NEK6: variants seen among roughly 807,000 people sequenced by gnomAD.
NEK6 encodes NIMA related kinase 6, also known as serine/threonine-protein kinase Nek6.
NEK6 carries 27 observed loss-of-function variants against 43.5 expected under a neutral mutation model. The observed-to-expected ratio is 0.62, with a 90% CI of 0.46 to 0.86. The LOEUF (loss-of-function observed/expected upper bound fraction) is 0.86, where lower values mean the gene tolerates loss of function less well. NEK6 is among the 40% of genes least tolerant of loss of function. The probability of loss-of-function intolerance (pLI) is 0.00; values close to 1 mark genes in which losing one functional copy is unlikely to be tolerated. For synonymous variants in NEK6, 167 were observed against 164.1 expected, an observed-to-expected ratio of 1.02 and a Z score of -0.14; for missense variants, 318 against 414.4, an observed-to-expected ratio of 0.77 and a Z score of 2.02.
chr9:124,324,384 A>G lies in NEK6; in HGVS notation c.406-1946A>G, dbSNP rs894112829. ...TTGTGTCCCGAGAGCCTGCAGCCTC[A>G]AGGGCTGAGCTGCGCCATCACAGCC... On this transcript the variant is annotated intron_variant, in intron 5 of 9. Transcript: ENST00000320246. This position sits in a 1 kb window ranked among gnomAD's most constrained non-coding sequence, Gnocchi z 5.3. Among the ~76,000 whole-genome samples, 2 of 152,204 alleles carry G rather than the reference A, an allele frequency of 1.3e-5. No individual in the cohort carries two copies. Among genetic ancestry groups the G allele is most frequent in the Admixed American group, 6.5e-5 (1 of 15,278 alleles).
At chr9:124,264,383 G>A (rs888864854) in intron 1 of NEK6, among the ~76,000 whole-genome samples, 14 of 152,318 alleles carry the variant, frequency 9.2e-5, no homozygotes, top group African/African-American at 2.6e-4. Context: ...TCCCTCATCC[G>A]GAAAACGGGC....
intron 1 of NEK6, among the ~76,000 whole-genome samples, chr9:124,298,580 C>T (rs1832811772): frequency 6.6e-6 from 1 of 152,092 alleles, no homozygotes; most frequent in African/African-American, 2.4e-5. Flanking sequence ...AGCACAGGCC[C>T]CATTCTCAAG....
rs114909240 is a variant in NEK6 at position 124,350,733 on chromosome 9, T to C, written c.832-104T>C. The C allele has an allele frequency of 6.3e-6, 5 of 788,556 alleles. No homozygotes were observed. In the African/African-American group the frequency reaches 8.5e-5, roughly 13 times the overall value. 48.8% of individuals were successfully genotyped at this position (788,556 alleles called of 1,614,324 possible). A position where few individuals can be genotyped will look rare whatever the true frequency, so the allele number is the denominator to read the frequency against. ...CTCTAACGGGGACAACGGGACCATC[T>C]AGTTGCTCTGAGGATGAAGTGCCTT... On this transcript the variant is annotated intron_variant, in intron 9 of 9. Transcript: ENST00000320246.
intron 7 of NEK6, among the ~76,000 whole-genome samples, chr9:124,333,313 G>T (rs1267535623): frequency 6.6e-6 from 1 of 152,234 alleles, no homozygotes; most frequent in African/African-American, 2.4e-5. Context: ...AAGAGGTGCT[G>T]TATCTGCTCC....
At chr9:124,280,288 A>G (rs1831838617) in intron 1 of NEK6, among the ~76,000 whole-genome samples, 1 of 152,216 alleles carries the variant, frequency 6.6e-6, no homozygotes, top group Admixed American at 6.5e-5. Flanking sequence ...CTTCCTGAGA[A>G]CTGGGGCCCA....
chr9:124,304,111 C>T (rs983270253), intron 2 of NEK6, among the ~76,000 whole-genome samples: 3 of 152,266 alleles, frequency 2.0e-5, no homozygotes, highest in Non-Finnish European at 2.9e-5. Context: ...CCACCAGCAT[C>T]TGGCTGGGTT....
chr9:124,326,714 G>A lies in NEK6; in HGVS notation c.514+276G>A, dbSNP rs750936051. Among the ~76,000 whole-genome samples, 1 of 152,212 alleles carries A rather than the reference G, an allele frequency of 6.6e-6. No homozygotes were observed. Among genetic ancestry groups the A allele is most frequent in the African/African-American group, 2.4e-5 (1 of 41,456 alleles). ...GCAGCCTGGGAGGGAGGTCGAGGAA[G>A]CCTCGCACAGAGGGGACTTTCATGG... is the stretch of plus-strand genomic sequence containing the variant. On this transcript the variant is annotated intron_variant, in intron 6 of 9. Coordinates refer to ENST00000320246, the MANE Select transcript of NEK6 (RefSeq NM_014397.6). The surrounding 1 kb of genome is among the most constrained non-coding windows in gnomAD (Gnocchi z 4.5).
Position 124,326,202 on chromosome 9 carries a change from T to TCACCCCCCCCCCCC in NEK6, c.406-127_406-126insACCCCCCCCCCCCC. 1.6e-5 allele frequency: 2 copies of TCACCCCCCCCCCCC among 124,052 alleles called. No homozygotes were observed. Among genetic ancestry groups the TCACCCCCCCCCCCC allele is most frequent in the South Asian group, 1.3e-4 (2 of 15,360 alleles). The allele number at this position is 124,052 out of a possible 1,614,324, so 7.7% of individuals were successfully genotyped here. ...GCTTATTGTTTGCTCAGTGGCTCAA[T>TCACCCCCCCCCCCC]CCCCCCCCCCCGCCCCTGCCAGGCA... On this transcript the variant is annotated intron_variant, in intron 5 of 9. Coordinates refer to ENST00000320246, the MANE Select transcript of NEK6 (RefSeq NM_014397.6). This position sits in a 1 kb window ranked among gnomAD's most constrained non-coding sequence, Gnocchi z 4.5.
intron 8 of NEK6, among the ~76,000 whole-genome samples, chr9:124,346,684 GC>G (rs1282483884): frequency 6.6e-6 from 1 of 152,172 alleles, no homozygotes; most frequent in Non-Finnish European, 1.5e-5. Flanking sequence ...GCCACGCTGG[GC>G]TGCTGCGCCA....
Position 124,275,798 on chromosome 9 carries a change from C to T in NEK6, c.-30+17713C>T, listed in dbSNP as rs150430725. ...GTAATGAGGGGAGGGAGCAATGCAC[C>T]CTTCGTTTGTTCCTCAGGCCTGTGG... is the stretch of plus-strand genomic sequence containing the variant. On this transcript the variant is annotated intron_variant, in intron 1 of 9. Coordinates refer to ENST00000320246, the MANE Select transcript of NEK6 (RefSeq NM_014397.6). This position sits in a 1 kb window ranked among gnomAD's most constrained non-coding sequence, Gnocchi z 4.4. Among the ~76,000 whole-genome samples, 1,621 of 152,322 alleles carry T rather than the reference C, an allele frequency of 0.011. 12 individuals carry two copies. Among genetic ancestry groups the T allele is most frequent in the Middle Eastern group, 0.034 (10 of 294 alleles).
intron 1 of NEK6, among the ~76,000 whole-genome samples, chr9:124,281,487 CTTTTTTTTTTTTTTTT>C (rs759381068): frequency 8.7e-5 from 9 of 102,926 alleles, no homozygotes; most frequent in Non-Finnish European, 1.5e-4. Flanking sequence ...GCTGTTTTTT[CTTTTTTTTTTTTTTTT>C]TTTTTTTTTT....
intron 3 of NEK6, 145 bp downstream of exon 3, chr9:124,312,794 G>A: frequency 1.2e-6 from 1 of 814,176 alleles, no homozygotes; most frequent in Non-Finnish European, 1.9e-6. Flanking sequence ...GAGAGAACCA[G>A]GTGGACTCCT....
upstream of NEK6, chr9:124,257,769 C>CCTCGGCCGATCCG: frequency 6.7e-7 from 1 of 1,490,372 alleles, no homozygotes; most frequent in Non-Finnish European, 8.9e-7. Context: ...GGAAGGGGTT[C>CCTCGGCCGATCCG]CTCGGCCGAG....
intron 8 of NEK6, among the ~76,000 whole-genome samples, chr9:124,340,474 C>T (rs1829542467): frequency 6.6e-6 from 1 of 152,224 alleles, no homozygotes; most frequent in Non-Finnish European, 1.5e-5. Flanking sequence ...GGGATTCCAT[C>T]CACCTGGCTG....
At chr9:124,298,788 A>T (rs1398913405) in intron 1 of NEK6, among the ~76,000 whole-genome samples, 1 of 152,220 alleles carries the variant, frequency 6.6e-6, no homozygotes, top group East Asian at 1.9e-4. Flanking sequence ...TCATCTGTGA[A>T]ATGGGACCAT....
intron 1 of NEK6, among the ~76,000 whole-genome samples, chr9:124,287,697 C>T (rs1039150828): frequency 5.9e-5 from 9 of 152,100 alleles, no homozygotes; most frequent in African/African-American, 1.7e-4. Flanking sequence ...TAGTGGCATG[C>T]AGGTATAACC....
chr9:124,339,516 C>A, intron 7 of NEK6, 55 bp from the exon 8 acceptor site: 1 of 1,294,450 alleles, frequency 7.7e-7, no homozygotes. Flanking sequence ...CACCTCTGTG[C>A]CCTGCCCCTG....
intron 2 of NEK6, among the ~76,000 whole-genome samples, chr9:124,310,929 TGA>T (rs1216076129): frequency 6.6e-6 from 1 of 152,098 alleles, no homozygotes; most frequent in Non-Finnish European, 1.5e-5. Flanking sequence ...GCTTTTCCAG[TGA>T]GTTTCTATTA....
intron 8 of NEK6, among the ~76,000 whole-genome samples, chr9:124,344,373 C>T (rs1829807147): frequency 6.6e-6 from 1 of 152,228 alleles, no homozygotes; most frequent in Admixed American, 6.5e-5. Flanking sequence ...CAGCTATTAC[C>T]GAGGACCTCC....
Sources: gnomAD v4.1 joint callset for allele counts (sites outside exome capture counted in the v4.1 genomes callset) on GRCh38, gnomAD v4.1.1 for gene constraint, Gnocchi (gnomAD v3.1) non-coding constraint, MANE v1.5 for transcripts, NCBI Gene and HGNC (gene_info 2026-07-23, HGNC 2026-07-21) for gene names.